Variants in ADGRD1 observed in about 807,000 individuals in gnomAD.
The protein encoded by ADGRD1 is G-protein coupled receptor 133.
ADGRD1 carries 77 observed loss-of-function variants against 113.4 expected under a neutral mutation model. That is an observed-to-expected ratio of 0.68 (90% CI 0.57 to 0.82). The LOEUF is 0.82. Ranked by LOEUF, ADGRD1 falls within the 40% of genes least tolerant of loss-of-function variation. The pLI is 0.00. For synonymous variants in ADGRD1, 474 were observed against 475.0 expected (o/e 1.00, Z 0.03); for missense variants, 1,036 against 1,139.1 (o/e 0.91, Z 1.30).
Position 131,014,211 on chromosome 12 carries a change from C to T in ADGRD1, c.1344C>T (p.Ala448=), listed in dbSNP as rs748571004. 6 of 1,613,914 alleles carry T rather than the reference C, an allele frequency of 3.7e-6. No individual in the cohort carries two copies. In the African/African-American group the frequency reaches 8.0e-5, roughly 22 times the overall value. ...IWPAHTKIAE[A]MHHQDCLLFA... is the part of the protein sequence containing the mutation. ...GTCTCTTCCCAAGGATCGCGGAGGC[C>T]ATGCATCACCAGGACTGCCTGCTGT... The change falls in exon 13 of 25, where the codon GCC becomes GCT. Residue 448 remains alanine (A), a synonymous_variant. Transcript: ENST00000261654.
At chr12:131,044,386 G>A (rs1882461013) in intron 13 of ADGRD1, among the ~76,000 whole-genome samples, 1 of 152,178 alleles carries the variant, frequency 6.6e-6, no homozygotes, top group African/African-American at 2.4e-5. Context: ...CCACCCACGA[G>A]TTCCCCCCTT....
chr12:131,011,586 G>T (rs1382765108), intron 12 of ADGRD1, among the ~76,000 whole-genome samples: 2 of 152,096 alleles, frequency 1.3e-5, no homozygotes, highest in Admixed American at 6.5e-5. Context: ...GGGAATTTCT[G>T]TTCTGGGAGG....
chr12:131,036,713 C>T (rs1290534437), intron 13 of ADGRD1, among the ~76,000 whole-genome samples: 1 of 126,248 alleles, frequency 7.9e-6, no homozygotes, highest in Non-Finnish European at 1.8e-5. Flanking sequence ...GCCTCACTCA[C>T]CGCACCGGGC....
Position 130,968,828 on chromosome 12 carries a change from G to A in ADGRD1, c.187+2282G>A, listed in dbSNP as rs375316272. 2.6e-4 allele frequency: 156 copies of A among 607,782 alleles called. No homozygotes were observed. The African/African-American group carries it at 2.7e-3, about 11-fold the overall frequency. 37.6% of individuals were successfully genotyped at this position (607,782 alleles called of 1,614,324 possible). On this transcript the variant is annotated intron_variant, in intron 3 of 24. Transcript: ENST00000261654. Reference sequence around the variant, plus strand: ...AAGTAAACAAGGGTGGTGGAGGCTGGGGGATGTGAGGTCCGAAGAGAAAGT... The same window carrying A: ...AAGTAAACAAGGGTGGTGGAGGCTGAGGGATGTGAGGTCCGAAGAGAAAGT...
chr12:131,004,377 C>T, intron 11 of ADGRD1, 81 bp downstream of exon 11: 1 of 858,880 alleles, frequency 1.2e-6, no homozygotes, highest in African/African-American at 2.0e-5. Context: ...TGCTGGGTGC[C>T]CACCGCGCCA....
intron 11 of ADGRD1, among the ~76,000 whole-genome samples, chr12:131,005,751 A>G (rs545533711): frequency 1.7e-4 from 19 of 108,872 alleles, no homozygotes; most frequent in African/African-American, 8.1e-4. Context: ...ACATGTCTGG[A>G]GCTGGCTCAG....
At chr12:131,124,860 G>A (rs568994561) in intron 20 of ADGRD1, among the ~76,000 whole-genome samples, 3 of 152,326 alleles carry the variant, frequency 2.0e-5, no homozygotes, top group East Asian at 1.9e-4. Context: ...CCATAGGCCC[G>A]TTATTCCCTG....
intron 13 of ADGRD1, among the ~76,000 whole-genome samples, chr12:131,039,252 C>A (rs1438866085): frequency 6.6e-6 from 1 of 152,048 alleles, no homozygotes; most frequent in Non-Finnish European, 1.5e-5. Context: ...CCCGCTGAGC[C>A]GGGACGGTGC....
At chr12:131,135,746 G>C (rs1434984413) in intron 21 of ADGRD1, among the ~76,000 whole-genome samples, 1 of 152,166 alleles carries the variant, frequency 6.6e-6, no homozygotes, top group Non-Finnish European at 1.5e-5. Context: ...TCAAATGCAA[G>C]CCCTGGGCCT....
chr12:131,130,188 G>C (rs762396357), intron 20 of ADGRD1, among the ~76,000 whole-genome samples: 20 of 152,324 alleles, frequency 1.3e-4, no homozygotes, highest in Non-Finnish European at 2.5e-4. Context: ...CACCATGCTG[G>C]GTGGCTAATG....
At chr12:130,956,643 C>G (rs769207387) in intron 2 of ADGRD1, 1 of 152,338 alleles carries the variant, frequency 6.6e-6, no homozygotes, top group Non-Finnish European at 1.5e-5. Flanking sequence ...GCTGTGCACC[C>G]GGCTCCTGCA....
At chr12:130,960,022 C>T (rs942124365) in intron 2 of ADGRD1, among the ~76,000 whole-genome samples, 5 of 152,282 alleles carry the variant, frequency 3.3e-5, no homozygotes, top group African/African-American at 4.8e-5. Context: ...GGGCCTCAGG[C>T]GGCCCAATTT....
chr12:131,109,824 T>C (rs897603160), intron 18 of ADGRD1, among the ~76,000 whole-genome samples: 10 of 152,228 alleles, frequency 6.6e-5, no homozygotes, highest in African/African-American at 2.4e-4. Context: ...TACTGAAGTA[T>C]TGAAGTCACC....
chr12:131,085,527 A>G (rs914349998), intron 15 of ADGRD1, among the ~76,000 whole-genome samples: 1 of 152,118 alleles, frequency 6.6e-6, no homozygotes, highest in African/African-American at 2.4e-5. Flanking sequence ...GCCTGGGAGC[A>G]GCTTGGTCTG....
At chr12:131,087,931 G>A (rs1886605657) in intron 15 of ADGRD1, among the ~76,000 whole-genome samples, 2 of 152,228 alleles carry the variant, frequency 1.3e-5, no homozygotes. Flanking sequence ...TTCTTGCCAT[G>A]GACCAGGCCT....
At chr12:131,001,810 CCCAACCA>C (rs1876426936) in intron 9 of ADGRD1, among the ~76,000 whole-genome samples, 2 of 152,160 alleles carry the variant, frequency 1.3e-5, no homozygotes, top group Non-Finnish European at 2.9e-5. Context: ...CCAGAAGGGT[CCCAACCA>C]CACCACCATG....
At chr12:131,010,743 A>C (rs979375214) in intron 12 of ADGRD1, among the ~76,000 whole-genome samples, 15 of 152,158 alleles carry the variant, frequency 9.9e-5, no homozygotes, top group Non-Finnish European at 1.3e-4. Context: ...GCAAAGGTGC[A>C]ATCAGGAGTG....
intron 19 of ADGRD1, 66 bp from the exon 20 acceptor site, chr12:131,120,781 T>C: frequency 1.3e-6 from 2 of 1,526,880 alleles, no homozygotes; most frequent in South Asian, 2.2e-5. Flanking sequence ...GCAACTACTT[T>C]TGGATGAAGG....
rs978409083 is a variant in ADGRD1 at position 131,045,509 on chromosome 12, C to T, written c.1473+31169C>T. On this transcript the variant is annotated intron_variant, in intron 13 of 24. Coordinates refer to ENST00000261654, the MANE Select transcript of ADGRD1 (RefSeq NM_198827.5). Reference sequence around the variant, plus strand: ...GCAGGGCAGTGCTGTACAGGGACCCCCCCCCACCCCCGCCTCCCTGCCCGG... The same window carrying T: ...GCAGGGCAGTGCTGTACAGGGACCCTCCCCCACCCCCGCCTCCCTGCCCGG... Among the ~76,000 whole-genome samples, 34 of 152,108 alleles carry T rather than the reference C, an allele frequency of 2.2e-4. 1 individual carries two copies. Among genetic ancestry groups the T allele is most frequent in the African/African-American group, 7.5e-4 (31 of 41,492 alleles).
Sources: allele counts gnomAD v4.1 joint callset (sites outside exome capture counted in the v4.1 genomes callset), GRCh38; gene constraint gnomAD v4.1.1; transcripts MANE v1.5; gene names NCBI Gene and HGNC (gene_info 2026-07-23, HGNC 2026-07-21).